RB1: variants seen among roughly 807,000 people sequenced by gnomAD.
RB1 encodes the protein RB transcriptional corepressor 1.
Under a neutral mutation model 135.4 loss-of-function variants are expected in RB1, and 18 were observed. The ratio of observed to expected loss-of-function variants is 0.13; its 90% CI spans 0.09 to 0.20. RB1 has a LOEUF of 0.20. RB1 is among the 10% of genes least tolerant of loss of function. The pLI, the probability that RB1 is intolerant of heterozygous loss-of-function variation, is 1.00. For missense variants in RB1, 868 were observed against 1,110.0 expected (o/e 0.78, Z 3.10); for synonymous variants, 365 against 373.2 (o/e 0.98, Z 0.25).
chr13:48,377,967 A>G (rs1952844631), intron 13 of RB1, among the ~76,000 whole-genome samples: 1 of 152,210 alleles, frequency 6.6e-6, no homozygotes, highest in Non-Finnish European at 1.5e-5. Flanking sequence ...AGGTAAAGAT[A>G]TAGTACAAAA....
Position 48,440,514 on chromosome 13 carries a change from A to G in RB1, c.1696-12479A>G, listed in dbSNP as rs555143379. On this transcript the variant is annotated intron_variant, in intron 17 of 26. Coordinates refer to ENST00000267163, the MANE Select transcript of RB1 (RefSeq NM_000321.3). Reference sequence around the variant, plus strand: ...GCATAGCCTGATGGGCACATGATCCAAAGTTTAATTTTTTGGTTGAAATTT... The same window carrying G: ...GCATAGCCTGATGGGCACATGATCCGAAGTTTAATTTTTTGGTTGAAATTT... 7.9e-5 allele frequency among the ~76,000 whole-genome samples: 12 copies of G among 152,320 alleles called. No homozygotes were observed. The South Asian group carries it at 1.2e-3, about 16-fold the overall frequency.
chr13:48,327,543 A>G (rs900929940), intron 2 of RB1, among the ~76,000 whole-genome samples: 4 of 152,208 alleles, frequency 2.6e-5, no homozygotes, highest in Non-Finnish European at 5.9e-5. Flanking sequence ...CACCTAGTTT[A>G]TGATGACTTG....
At position 48,373,570 on chromosome 13, in the gene RB1, C is replaced by A. The variant is rs1952785890; in HGVS notation, c.1215+78C>A. 9 of 918,992 alleles carry A rather than the reference C, an allele frequency of 9.8e-6. No individual in the cohort carries two copies. In the South Asian group the frequency reaches 1.1e-4, roughly 11 times the overall value. The allele number at this position is 918,992 out of a possible 1,614,324, so 56.9% of individuals were successfully genotyped here. ...AAATTAAAAGTTAAAGTACTGAGTT[C>A]TTTTTAAAATACTAATCTCCTATCT... On this transcript the variant is annotated intron_variant, in intron 12 of 26. Transcript: ENST00000267163.
intron 17 of RB1, chr13:48,412,305 T>C: frequency 6.2e-7 from 1 of 1,613,358 alleles, no homozygotes; most frequent in Non-Finnish European, 8.5e-7. Context: ...GATGAAAATG[T>C]ATATGGCAAC....
chr13:48,352,021 G>A (rs1213161223), intron 6 of RB1, among the ~76,000 whole-genome samples: 1 of 152,044 alleles, frequency 6.6e-6, no homozygotes, highest in African/African-American at 2.4e-5. Context: ...ATGGTGTAAG[G>A]AATGGGTCCA....
intron 17 of RB1, among the ~76,000 whole-genome samples, chr13:48,448,500 T>C (rs1949304757): frequency 6.6e-6 from 1 of 152,206 alleles, no homozygotes; most frequent in Non-Finnish European, 1.5e-5. Flanking sequence ...CCATCTCCTG[T>C]TGGTCTGCTG....
At chr13:48,368,844 A>G (rs1331115094) in intron 11 of RB1, among the ~76,000 whole-genome samples, 1 of 152,132 alleles carries the variant, frequency 6.6e-6, no homozygotes, top group Non-Finnish European at 1.5e-5. Flanking sequence ...CGTCTCTACT[A>G]GAAATACAAA....
In RB1 at chr13:48,463,754, C is replaced by A. The variant is rs2138342316; in HGVS notation, c.2130C>A (p.Gly710=). 1 of 1,579,616 alleles carries A rather than the reference C, an allele frequency of 6.3e-7. No homozygotes were observed. Among genetic ancestry groups the A allele is most frequent in the Non-Finnish European group, 8.7e-7 (1 of 1,148,988 alleles). The stretch of plus-strand genomic sequence containing the variant: ...AGATTATGATGTGTTCCATGTATGG[C>A]ATATGCAAAGTGAAGAATATAGACC... The part of the protein sequence containing the change: ...LDQIMMCSMY[G]ICKVKNIDLK... The change falls in exon 21 of 27, where the codon GGC becomes GGA. Residue 710 remains glycine, a synonymous_variant. Transcript: ENST00000267163.
chr13:48,312,184 T>A (rs1952137207), intron 2 of RB1, among the ~76,000 whole-genome samples: 1 of 152,240 alleles, frequency 6.6e-6, no homozygotes, highest in African/African-American at 2.4e-5. Context: ...ACAATGTGTA[T>A]CGTTTACCTT....
At position 48,368,810 on chromosome 13, in the gene RB1, G is replaced by A. The variant is rs147635961; in HGVS notation, c.1127+206G>A. On this transcript the variant is annotated intron_variant, in intron 11 of 26. Coordinates refer to ENST00000267163, the MANE Select transcript of RB1 (RefSeq NM_000321.3). ...CACCTGAGGTTAGGAGTTTGAGACC[G>A]GCCTGGCCAACATGGTGAAACCCCG... Among the ~76,000 whole-genome samples, 852 of 151,956 alleles carry A rather than the reference G, an allele frequency of 5.6e-3. 5 individuals are homozygous for A. Among genetic ancestry groups the A allele is most frequent in the Middle Eastern group, 0.01 (3 of 294 alleles).
At chr13:48,460,411 T>C (rs1949397710) in intron 20 of RB1, among the ~76,000 whole-genome samples, 1 of 152,140 alleles carries the variant, frequency 6.6e-6, no homozygotes, top group African/African-American at 2.4e-5. Flanking sequence ...CACTCAAGAG[T>C]ATATTTTAGT....
In RB1 at chr13:48,369,821, C is replaced by A. The variant is rs77553663; in HGVS notation, c.1127+1217C>A. On this transcript the variant is annotated intron_variant, in intron 11 of 26. Transcript: ENST00000267163. The stretch of plus-strand genomic sequence containing the variant: ...AGTATTTTATTATTTCTCATATCAT[C>A]CTGTTCCATTCCTTTATAGCATGTA... 1.7e-4 allele frequency among the ~76,000 whole-genome samples: 26 copies of A among 152,268 alleles called. No homozygotes were observed. In the East Asian group the frequency reaches 5.0e-3, roughly 29 times the overall value.
intron 17 of RB1, among the ~76,000 whole-genome samples, chr13:48,447,729 C>G (rs1177923043): frequency 6.6e-6 from 1 of 152,088 alleles, no homozygotes; most frequent in Non-Finnish European, 1.5e-5. Flanking sequence ...GTGCTCCTAC[C>G]TACTGCACTA....
intron 6 of RB1, among the ~76,000 whole-genome samples, chr13:48,354,711 T>C (rs1354333964): frequency 6.6e-6 from 1 of 152,036 alleles, no homozygotes; most frequent in Non-Finnish European, 1.5e-5. Context: ...GGTACTGGCA[T>C]AAAAGCAGAT....
At chr13:48,423,712 A>G (rs1228452631) in intron 17 of RB1, among the ~76,000 whole-genome samples, 1 of 152,210 alleles carries the variant, frequency 6.6e-6, no homozygotes, top group African/African-American at 2.4e-5. Flanking sequence ...ATGAGAGAGT[A>G]TGTGAGACTT....
At chr13:48,349,729 A>G (rs779489462) in intron 6 of RB1, among the ~76,000 whole-genome samples, 6 of 152,088 alleles carry the variant, frequency 3.9e-5, no homozygotes, top group Non-Finnish European at 7.4e-5. Flanking sequence ...TAAAGTCTCT[A>G]ATTAAAAGAC....
At chr13:48,407,420 T>C (rs1218851986) in intron 17 of RB1, among the ~76,000 whole-genome samples, 1 of 152,164 alleles carries the variant, frequency 6.6e-6, no homozygotes. Flanking sequence ...GAGAGAGAAG[T>C]TTGCCTGGTG....
chr13:48,379,925 A>AC (rs1948517210), intron 14 of RB1, 128 bp from the exon 15 acceptor site: 1 of 793,084 alleles, frequency 1.3e-6, no homozygotes, highest in Non-Finnish European at 1.8e-6. Flanking sequence ...GTGCCATTTC[A>AC]CCCCAGCCTG....
At chr13:48,412,382 G>C (rs148227482) in intron 17 of RB1, 1 of 1,613,900 alleles carries the variant, frequency 6.2e-7, no homozygotes, top group Non-Finnish European at 8.5e-7. Context: ...TGTACTTAAA[G>C]GAGTCATTAT....
Sources: gnomAD v4.1 joint callset for allele counts (sites outside exome capture counted in the v4.1 genomes callset) on GRCh38, gnomAD v4.1.1 for gene constraint, MANE v1.5 for transcripts, NCBI Gene and HGNC (gene_info 2026-07-23, HGNC 2026-07-21) for gene names.